Variants in MACROD2 observed in about 807,000 individuals in gnomAD.
The protein encoded by MACROD2 is mono-ADP ribosylhydrolase 2.
Under a neutral mutation model 70.4 loss-of-function variants are expected in MACROD2, and 36 were observed. That is an observed-to-expected ratio of 0.51 (90% CI 0.39 to 0.68). The LOEUF is 0.68. Ranked by LOEUF, MACROD2 falls within the 30% of genes least tolerant of loss-of-function variation. The probability of loss-of-function intolerance (pLI) is 0.00; values close to 1 mark genes in which losing one functional copy is unlikely to be tolerated. For missense variants in MACROD2, 496 were observed against 538.4 expected (o/e 0.92, Z 0.78); for synonymous variants, 172 against 178.8 (o/e 0.96, Z 0.30).
chr20:14,551,969 G>A (rs1978683598), intron 4 of MACROD2, among the ~76,000 whole-genome samples: 1 of 151,896 alleles, frequency 6.6e-6, no homozygotes, highest in Admixed American at 6.6e-5. Flanking sequence ...GTATTAAATT[G>A]TTTTCAAGAT....
chr20:14,655,413 A>C (rs1187677781), intron 4 of MACROD2, among the ~76,000 whole-genome samples: 2 of 148,672 alleles, frequency 1.3e-5, no homozygotes, highest in Non-Finnish European at 3.0e-5. Context: ...GTGGTTGTTC[A>C]TTTGTTAACA....
At chr20:15,268,361 A>G (rs1726887091) in intron 6 of MACROD2, among the ~76,000 whole-genome samples, 1 of 152,210 alleles carries the variant, frequency 6.6e-6, no homozygotes, top group African/African-American at 2.4e-5. Context: ...TTATTTAAAA[A>G]TAGATTGAGG....
chr20:14,099,151 G>A (rs868620791), intron 3 of MACROD2, among the ~76,000 whole-genome samples: 7 of 152,070 alleles, frequency 4.6e-5, no homozygotes, highest in Middle Eastern at 6.8e-3. Flanking sequence ...GGTGGCATGC[G>A]CCTGTAATCC....
chr20:15,097,711 T>C (rs2075844283), intron 5 of MACROD2, among the ~76,000 whole-genome samples: 1 of 152,268 alleles, frequency 6.6e-6, no homozygotes, highest in Admixed American at 6.5e-5. Context: ...AAAGATCAAG[T>C]AGATGCTTTA....
At chr20:14,596,464 C>G (rs569994481) in intron 4 of MACROD2, among the ~76,000 whole-genome samples, 11 of 149,368 alleles carry the variant, frequency 7.4e-5, no homozygotes, top group African/African-American at 1.7e-4. Context: ...GCACTTATGA[C>G]TTAACTAAAA....
chr20:14,930,862 G>GT (rs1555851900), intron 5 of MACROD2, among the ~76,000 whole-genome samples: 2 of 77,772 alleles, frequency 2.6e-5, no homozygotes, highest in African/African-American at 8.4e-5. Flanking sequence ...ATTTTTTTAA[G>GT]TAAAAAAAAA....
At chr20:14,770,045 G>T (rs1398037039) in intron 5 of MACROD2, among the ~76,000 whole-genome samples, 1 of 151,766 alleles carries the variant, frequency 6.6e-6, no homozygotes, top group Non-Finnish European at 1.5e-5. Context: ...AAAAGAAAAA[G>T]ATTGCAAATA....
At chr20:15,884,065 C>G (rs1013551235) in intron 9 of MACROD2, among the ~76,000 whole-genome samples, 3 of 152,078 alleles carry the variant, frequency 2.0e-5, no homozygotes, top group Non-Finnish European at 4.4e-5. Context: ...TCCCACTATA[C>G]AGCTGATGAA....
At chr20:16,049,061 G>A (rs897766450) in intron 17 of MACROD2, among the ~76,000 whole-genome samples, 3 of 152,134 alleles carry the variant, frequency 2.0e-5, no homozygotes, top group African/African-American at 7.2e-5. Flanking sequence ...GACACAATGA[G>A]GTACTTGTAT....
intron 3 of MACROD2, among the ~76,000 whole-genome samples, chr20:14,137,119 C>T (rs1248880424): frequency 2.0e-5 from 3 of 151,776 alleles, no homozygotes; most frequent in Admixed American, 2.0e-4. Context: ...GGGGCACAGA[C>T]GTTCTACACA....
chr20:15,109,167 A>C (rs1186997234), intron 5 of MACROD2, among the ~76,000 whole-genome samples: 1 of 152,302 alleles, frequency 6.6e-6, no homozygotes, highest in Non-Finnish European at 1.5e-5. Context: ...AATATTTACT[A>C]TATGGTCCTT....
chr20:14,997,496 T>G (rs1270849495), intron 5 of MACROD2, among the ~76,000 whole-genome samples: 2 of 152,064 alleles, frequency 1.3e-5, no homozygotes, highest in Non-Finnish European at 2.9e-5. Flanking sequence ...CTATGGTGGC[T>G]GAGAGAGATT....
chr20:14,246,772 T>A (rs997354989), intron 3 of MACROD2, among the ~76,000 whole-genome samples: 4 of 152,200 alleles, frequency 2.6e-5, no homozygotes, highest in African/African-American at 9.6e-5. Context: ...ACAAACTTCT[T>A]TATCCTGTTG....
intron 3 of MACROD2, among the ~76,000 whole-genome samples, chr20:14,409,162 T>A (rs563429178): frequency 6.6e-6 from 1 of 151,176 alleles, no homozygotes; most frequent in Admixed American, 6.6e-5. Flanking sequence ...TTTTTTTTTT[T>A]TTTCCAAACG....
intron 4 of MACROD2, among the ~76,000 whole-genome samples, chr20:14,619,302 G>C (rs1217394190): frequency 6.7e-6 from 1 of 149,284 alleles, no homozygotes; most frequent in African/African-American, 2.5e-5. Context: ...GCTTGCAGGA[G>C]ACTTTGGTGT....
intron 4 of MACROD2, among the ~76,000 whole-genome samples, chr20:14,508,170 A>T (rs1241670165): frequency 1.3e-5 from 2 of 152,232 alleles, no homozygotes; most frequent in East Asian, 3.8e-4. Context: ...CACCGTTAGG[A>T]TCAGTGAAAA....
intron 4 of MACROD2, among the ~76,000 whole-genome samples, chr20:14,550,024 G>A (rs921475612): frequency 3.3e-5 from 5 of 151,664 alleles, no homozygotes; most frequent in Non-Finnish European, 5.9e-5. Flanking sequence ...CACCTCCCAG[G>A]TTCAAGCAAT....
intron 3 of MACROD2, among the ~76,000 whole-genome samples, chr20:14,454,318 T>G (rs1240198035): frequency 1.3e-5 from 2 of 152,012 alleles, no homozygotes; most frequent in Non-Finnish European, 2.9e-5. Context: ...TATTACTCCT[T>G]TACCATATCA....
chr20:14,765,380 T>C (rs548342224), intron 5 of MACROD2, among the ~76,000 whole-genome samples: 13 of 18,568 alleles, frequency 7.0e-4, no homozygotes, highest in Middle Eastern at 0.017. Context: ...TTCCTGCCAT[T>C]TTTTTTTTCC....
Sources: allele counts gnomAD v4.1 joint callset (sites outside exome capture counted in the v4.1 genomes callset), GRCh38; gene constraint gnomAD v4.1.1; transcripts MANE v1.5; gene names NCBI Gene and HGNC (gene_info 2026-07-23, HGNC 2026-07-21).